Variants in TSPAN14 observed in about 807,000 individuals in gnomAD.
The protein encoded by TSPAN14 is tetraspanin 14.
Under a neutral mutation model 36.6 loss-of-function variants are expected in TSPAN14, and 16 were observed. The observed-to-expected ratio is 0.44, with a 90% CI of 0.30 to 0.66. The LOEUF is 0.66. Among genes scored for constraint, TSPAN14 ranks in the 30% least tolerant of loss-of-function variants. The pLI, the probability that TSPAN14 is intolerant of heterozygous loss-of-function variation, is 0.12. For missense variants in TSPAN14, 231 were observed against 355.1 expected, an observed-to-expected ratio of 0.65 and a Z score of 2.81; for synonymous variants, 139 against 143.8, an observed-to-expected ratio of 0.97 and a Z score of 0.24.
intron 1 of TSPAN14, among the ~76,000 whole-genome samples, chr10:80,482,115 A>G (rs1404103670): frequency 1.3e-5 from 2 of 152,184 alleles, no homozygotes; most frequent in African/African-American, 4.8e-5. Context: ...AGAAGTTGGA[A>G]GTGTCACCTA....
At chr10:80,503,029 G>T (rs1466543772) in intron 2 of TSPAN14, among the ~76,000 whole-genome samples, 1 of 152,052 alleles carries the variant, frequency 6.6e-6, no homozygotes, top group East Asian at 1.9e-4. Flanking sequence ...GACCAGCTGT[G>T]ACCAATGAGG....
intron 2 of TSPAN14, among the ~76,000 whole-genome samples, chr10:80,491,769 C>T (rs902483079): frequency 1.3e-5 from 2 of 152,170 alleles, no homozygotes; most frequent in Admixed American, 1.3e-4. Context: ...GAAAGTTAAT[C>T]ATTTTTCAGT....
chr10:80,505,175 C>G (rs886653488), intron 3 of TSPAN14, among the ~76,000 whole-genome samples: 1 of 152,190 alleles, frequency 6.6e-6, no homozygotes, highest in Non-Finnish European at 1.5e-5. Flanking sequence ...CAGCAGGGAG[C>G]GGGGCTGGGT....
intron 1 of TSPAN14, chr10:80,459,654 C>A (rs1845882667): frequency 6.5e-6 from 1 of 153,008 alleles, no homozygotes; most frequent in East Asian, 1.9e-4. Flanking sequence ...CCTGACTATG[C>A]GTTGACAGTC....
chr10:80,480,178 T>C (rs1406513514), intron 1 of TSPAN14, among the ~76,000 whole-genome samples: 1 of 151,118 alleles, frequency 6.6e-6, no homozygotes, highest in Non-Finnish European at 1.5e-5. Context: ...GCTTATCAGC[T>C]TAAGGAGCTT....
At chr10:80,464,963 G>A (rs943074599) in intron 1 of TSPAN14, among the ~76,000 whole-genome samples, 2 of 152,114 alleles carry the variant, frequency 1.3e-5, no homozygotes, top group Non-Finnish European at 2.9e-5. Flanking sequence ...CTTAATAGAG[G>A]TCCATTTGCA....
intron 2 of TSPAN14, among the ~76,000 whole-genome samples, chr10:80,495,998 G>GA (rs1467390078): frequency 1.8e-4 from 28 of 152,224 alleles, no homozygotes; most frequent in Admixed American, 7.8e-4. Flanking sequence ...TTTGGTATCT[G>GA]ACTTTTTTTT....
intron 5 of TSPAN14, among the ~76,000 whole-genome samples, chr10:80,511,256 C>T (rs890155901): frequency 6.6e-6 from 1 of 152,166 alleles, no homozygotes; most frequent in Non-Finnish European, 1.5e-5. Context: ...GCAGAGGCCC[C>T]AGGTGTGGGG....
intron 1 of TSPAN14, among the ~76,000 whole-genome samples, chr10:80,457,755 T>C (rs376893386): frequency 1.2e-4 from 18 of 152,224 alleles, no homozygotes; most frequent in South Asian, 6.2e-4. Context: ...ATGCAGAAGA[T>C]TGGGGAGTCA....
chr10:80,511,751 TCTCTCTCTCTCTCTCTCTCTCCC>T (rs1262012691), intron 5 of TSPAN14, among the ~76,000 whole-genome samples: 9 of 143,422 alleles, frequency 6.3e-5, no homozygotes, highest in Non-Finnish European at 1.2e-4. Context: ...TCTCTCTCTC[TCTCTCTCTCTCTCTCTCTCTCCC>T]CTTTTTTCTT....
chr10:80,512,843 G>A (rs973989308), intron 6 of TSPAN14, among the ~76,000 whole-genome samples: 5 of 151,706 alleles, frequency 3.3e-5, no homozygotes, highest in East Asian at 1.9e-4. Flanking sequence ...ACAGGTGCAC[G>A]CCACCACACC....
intron 3 of TSPAN14, among the ~76,000 whole-genome samples, 182 bp from the exon 4 acceptor site, chr10:80,507,046 G>T (rs1048402660): frequency 6.6e-6 from 1 of 152,220 alleles, no homozygotes. Flanking sequence ...GGTGGGCAGG[G>T]ATCGCCTGGT....
At chr10:80,476,111 C>T (rs1279063377) in intron 1 of TSPAN14, among the ~76,000 whole-genome samples, 3 of 152,150 alleles carry the variant, frequency 2.0e-5, no homozygotes, top group African/African-American at 4.8e-5. Context: ...GGGGCTCACG[C>T]TTATAATACA....
intron 1 of TSPAN14, among the ~76,000 whole-genome samples, chr10:80,471,031 A>G (rs1056694439): frequency 1.3e-5 from 2 of 152,186 alleles, no homozygotes; most frequent in Admixed American, 6.5e-5. Context: ...AATTTAAACT[A>G]GCTGCTTTAG....
intron 1 of TSPAN14, among the ~76,000 whole-genome samples, chr10:80,455,615 G>A (rs1845700142): frequency 6.6e-6 from 1 of 152,082 alleles, no homozygotes; most frequent in East Asian, 1.9e-4. Flanking sequence ...GGGAAACCTG[G>A]GGACAGGCCA....
chr10:80,507,148 G>A, intron 3 of TSPAN14, 80 bp from the exon 4 acceptor site: 1 of 1,558,314 alleles, frequency 6.4e-7, no homozygotes, highest in Non-Finnish European at 8.8e-7. Context: ...CCTGTTTTCA[G>A]TACCACCTGC....
In TSPAN14 at chr10:80,509,181, C is replaced by T; in HGVS notation, c.280-120C>T. The stretch of plus-strand genomic sequence containing the variant: ...GGGGTTCTGGGGCCCCGATGTGGGA[C>T]TCTCAGGTGCAGAGCCCACGCTCTG... On this transcript the variant is annotated intron_variant, in intron 4 of 8. Transcript: ENST00000429989. The surrounding 1 kb of genome is among the most constrained non-coding windows in gnomAD (Gnocchi z 4.7). The T allele has an allele frequency of 9.1e-7, 1 of 1,097,030 alleles. No individual in the cohort carries two copies. The allele number at this position is 1,097,030 out of a possible 1,614,324, so 68.0% of individuals were successfully genotyped here. A position where few individuals can be genotyped will look rare whatever the true frequency, so the allele number is the denominator to read the frequency against.
At chr10:80,479,364 G>T (rs1170753162) in intron 1 of TSPAN14, among the ~76,000 whole-genome samples, 1 of 151,724 alleles carries the variant, frequency 6.6e-6, no homozygotes, top group East Asian at 1.9e-4. Context: ...TGAAGTCCTT[G>T]CCCATGCCTA....
At chr10:80,497,152 T>C (rs914318215) in intron 2 of TSPAN14, among the ~76,000 whole-genome samples, 1 of 152,226 alleles carries the variant, frequency 6.6e-6, no homozygotes, top group Non-Finnish European at 1.5e-5. Context: ...TTGTGTAATA[T>C]TCTATTGTGG....
Sources: allele counts gnomAD v4.1 joint callset (sites outside exome capture counted in the v4.1 genomes callset), GRCh38; gene constraint gnomAD v4.1.1; non-coding constraint Gnocchi (gnomAD v3.1); transcripts MANE v1.5; gene names NCBI Gene and HGNC (gene_info 2026-07-23, HGNC 2026-07-21).